The following EVI5 variants were observed in gnomAD, a reference collection of about 807,000 sequenced individuals.
EVI5 encodes the protein ecotropic viral integration site 5 protein homolog.
In EVI5, 73 loss-of-function variants were observed where a neutral mutation model predicts 112.0. The ratio of observed to expected loss-of-function variants is 0.65; its 90% confidence interval spans 0.54 to 0.79. The LOEUF is 0.79. EVI5 is among the 30% of genes least tolerant of loss of function. The pLI is 0.00. For missense variants in EVI5, 900 were observed against 968.8 expected, an observed-to-expected ratio of 0.93 and a Z score of 0.94; for synonymous variants, 305 against 319.9, an observed-to-expected ratio of 0.95 and a Z score of 0.50.
intron 1 of EVI5, among the ~76,000 whole-genome samples, chr1:92,748,780 A>T (rs1679723706): frequency 1.3e-5 from 2 of 152,086 alleles, no homozygotes; most frequent in South Asian, 4.1e-4. Context: ...ATATAAATAC[A>T]TATTGGCCAG....
chr1:92,775,847 G>A (rs1381936427), intron 1 of EVI5, among the ~76,000 whole-genome samples: 7 of 152,062 alleles, frequency 4.6e-5, no homozygotes, highest in African/African-American at 1.4e-4. Flanking sequence ...GGTGGCTCAC[G>A]CCTGTAATCC....
chr1:92,522,998 A>AT (rs1484735606), intron 19 of EVI5, among the ~76,000 whole-genome samples: 2 of 152,100 alleles, frequency 1.3e-5, no homozygotes, highest in African/African-American at 4.8e-5. Flanking sequence ...GCCTCAAGCA[A>AT]TTCCCTCACC....
chr1:92,640,681 C>A (rs4417075), intron 13 of EVI5, among the ~76,000 whole-genome samples: 2 of 152,120 alleles, frequency 1.3e-5, no homozygotes, highest in East Asian at 3.9e-4. Flanking sequence ...TCAACCAACA[C>A]GGTTCTAGAA....
intron 1 of EVI5, among the ~76,000 whole-genome samples, chr1:92,758,633 G>A (rs6604018): frequency 0.92 from 138,576 of 150,788 alleles, 63,756 homozygotes; most frequent in East Asian, 0.97. Context: ...AAATGTTAAT[G>A]CAACAAAAAG....
At chr1:92,735,732 T>C (rs867452238) in intron 2 of EVI5, among the ~76,000 whole-genome samples, 11 of 143,050 alleles carry the variant, frequency 7.7e-5, no homozygotes, top group South Asian at 2.1e-4. Context: ...TATAATATAA[T>C]ATAATATAAT....
At chr1:92,535,126 CA>C (rs759157664) in intron 19 of EVI5, among the ~76,000 whole-genome samples, 2 of 151,852 alleles carry the variant, frequency 1.3e-5, no homozygotes, top group Non-Finnish European at 2.9e-5. Flanking sequence ...ATGAACTTCT[CA>C]AAAGAAGAAG....
chr1:92,630,513 T>C (rs1292902084), intron 14 of EVI5, among the ~76,000 whole-genome samples: 1 of 151,724 alleles, frequency 6.6e-6, no homozygotes, highest in Non-Finnish European at 1.5e-5. Flanking sequence ...GTTGATGGGG[T>C]TGTTTGTTTT....
intron 19 of EVI5, among the ~76,000 whole-genome samples, chr1:92,518,293 G>T (rs2101681031): frequency 6.6e-6 from 1 of 152,164 alleles, no homozygotes; most frequent in South Asian, 2.1e-4. Flanking sequence ...AATTTTTTGT[G>T]AAATGCCAGT....
At chr1:92,747,281 A>G (rs1169743027) in intron 1 of EVI5, among the ~76,000 whole-genome samples, 2 of 152,216 alleles carry the variant, frequency 1.3e-5, no homozygotes, top group Non-Finnish European at 2.9e-5. Context: ...ACTATTTTAT[A>G]TATGGGATTT....
chr1:92,730,716 ATCTG>A (rs1676329515), intron 2 of EVI5, among the ~76,000 whole-genome samples: 1 of 149,444 alleles, frequency 6.7e-6, no homozygotes. Context: ...AACTTCCTCA[ATCTG>A]ACAAAGGCCA....
intron 14 of EVI5, among the ~76,000 whole-genome samples, chr1:92,628,722 CTG>C (rs1021458593): frequency 2.0e-5 from 3 of 152,174 alleles, no homozygotes; most frequent in African/African-American, 7.2e-5. Flanking sequence ...TGAGGTAACA[CTG>C]AGATTTCAAG....
intron 18 of EVI5, among the ~76,000 whole-genome samples, chr1:92,586,507 T>C (rs185525476): frequency 7.9e-5 from 12 of 151,948 alleles, no homozygotes; most frequent in Admixed American, 2.0e-4. Context: ...ATTTTTTTTT[T>C]CTCAAATTGT....
rs538981501 is a variant in EVI5 at position 92,625,505 on chromosome 1, T to C, written c.1668+289A>G. 5.3e-5 allele frequency among the ~76,000 whole-genome samples: 8 copies of C among 152,318 alleles called. No individual in the cohort carries two copies. In the East Asian group the frequency reaches 7.7e-4, roughly 15 times the overall value. On this transcript the variant is annotated intron_variant, in intron 15 of 19. Transcript: ENST00000684568. Reference sequence around the variant, plus strand: ...AAAGTTTAAGACAAAATATGTATTATATAGAACACTTTCACAGTTTGCAGA... The same window carrying C: ...AAAGTTTAAGACAAAATATGTATTACATAGAACACTTTCACAGTTTGCAGA...
chr1:92,787,543 G>A (rs568687076), upstream of EVI5, among the ~76,000 whole-genome samples: 1 of 147,126 alleles, frequency 6.8e-6, no homozygotes, highest in African/African-American at 2.5e-5. Flanking sequence ...ACTAGCCTGA[G>A]CAATATGGCA....
chr1:92,591,128 A>G (rs1673793803), intron 18 of EVI5, among the ~76,000 whole-genome samples: 1 of 152,256 alleles, frequency 6.6e-6, no homozygotes, highest in South Asian at 2.1e-4. Flanking sequence ...AAACATGGAA[A>G]GGAACAACTG....
intron 18 of EVI5, among the ~76,000 whole-genome samples, chr1:92,587,895 T>C (rs1365622460): frequency 6.6e-6 from 1 of 152,228 alleles, no homozygotes; most frequent in African/African-American, 2.4e-5. Flanking sequence ...AATATGCTTA[T>C]CTTTATAATA....
At position 92,604,045 on chromosome 1, in the gene EVI5, T is replaced by G. The variant is rs914794795; in HGVS notation, c.2070+1262A>C. On this transcript the variant is annotated intron_variant, in intron 18 of 19. Transcript: ENST00000684568. ...TCATTACACCTGATGAACAAAAAATTTTTTAAGTTAAAAAAAAATTAAGGC... is the reference window on the plus strand; with the variant it reads ...TCATTACACCTGATGAACAAAAAATGTTTTAAGTTAAAAAAAAATTAAGGC... Among the ~76,000 whole-genome samples, 9 of 152,002 alleles carry G rather than the reference T, an allele frequency of 5.9e-5. 1 individual carries two copies. The highest frequency in any genetic ancestry group is 3.9e-4 in the Admixed American group (6 of 15,244).
At position 92,576,168 on chromosome 1, in the gene EVI5, T is replaced by C. The variant is rs190854070; in HGVS notation, c.2071-12431A>G. Among the ~76,000 whole-genome samples, 6 of 152,308 alleles carry C rather than the reference T, an allele frequency of 3.9e-5. No homozygotes were observed. The Middle Eastern group carries it at 0.01, about 261-fold the overall frequency. On this transcript the variant is annotated intron_variant, in intron 18 of 19. Coordinates refer to ENST00000684568, the MANE Select transcript of EVI5 (RefSeq NM_001350197.2). ...CAGTGCTAAAAGACACTGGTAAATA[T>C]GTATGACATGTATTCTACCTTAGAG... is the stretch of plus-strand genomic sequence containing the variant.
intron 1 of EVI5, among the ~76,000 whole-genome samples, chr1:92,752,433 C>T (rs533428406): frequency 6.6e-6 from 1 of 152,290 alleles, no homozygotes; most frequent in South Asian, 2.1e-4. Context: ...CCTCGACCTC[C>T]CAAAGTGCTG....
Sources: allele counts gnomAD v4.1 joint callset (sites outside exome capture counted in the v4.1 genomes callset), GRCh38; gene constraint gnomAD v4.1.1; transcripts MANE v1.5; gene names NCBI Gene and HGNC (gene_info 2026-07-23, HGNC 2026-07-21).